Variants in EPM2A observed in about 807,000 individuals in gnomAD.
EPM2A encodes the protein laforin.
In EPM2A, 21 loss-of-function variants were observed where a neutral mutation model predicts 26.5. That is an observed-to-expected ratio of 0.79 (90% CI 0.56 to 1.14). The LOEUF is 1.14. Among genes scored for constraint, EPM2A ranks in the 50% most tolerant of loss-of-function variants. EPM2A has a pLI of 0.00. For synonymous variants in EPM2A, 217 were observed against 177.6 expected, an observed-to-expected ratio of 1.22 and a Z score of -1.76; for missense variants, 458 against 440.8, an observed-to-expected ratio of 1.04 and a Z score of -0.35.
At chr6:145,405,509 G>A (rs1778554922) in intron 4 of EPM2A, among the ~76,000 whole-genome samples, 2 of 152,056 alleles carry the variant, frequency 1.3e-5, no homozygotes, top group Non-Finnish European at 2.9e-5. Context: ...AAATGGCAGA[G>A]GTAATGTTCC....
chr6:145,539,482 C>A (rs373704), intron 2 of EPM2A, among the ~76,000 whole-genome samples: 72,613 of 151,896 alleles, frequency 0.48, 17,335 homozygotes, highest in South Asian at 0.6. Context: ...GCCCTGCCAG[C>A]GATAAGGAGG....
rs76978843 is a variant in EPM2A at position 145,545,345 on chromosome 6, G to A, written c.341-42770C>T. On this transcript the variant is annotated intron_variant, in intron 2 of 3. Transcript: ENST00000450221. ...CTAATGACTTGTGCAGAGTCAAGAA[G>A]CCAAGTCAAATCATACAAGCACAGC... Among the ~76,000 whole-genome samples, 939 of 152,230 alleles carry A rather than the reference G, an allele frequency of 6.2e-3. 2 individuals are homozygous for A. Among genetic ancestry groups the A allele is most frequent in the Non-Finnish European group, 1.0e-2 (680 of 68,014 alleles).
At chr6:145,716,176 A>G (rs557357334) in intron 1 of EPM2A, among the ~76,000 whole-genome samples, 84 of 152,282 alleles carry the variant, frequency 5.5e-4, no homozygotes, top group African/African-American at 2.0e-3. Context: ...AATTTTGCGG[A>G]ATTTTTTTCT....
At chr6:145,569,008 CAT>C (rs1349521824) in intron 2 of EPM2A, among the ~76,000 whole-genome samples, 2 of 152,160 alleles carry the variant, frequency 1.3e-5, no homozygotes, top group Non-Finnish European at 2.9e-5. Context: ...AGGAGGCAGC[CAT>C]AGGCATGGAG....
intron 2 of EPM2A, among the ~76,000 whole-genome samples, chr6:145,672,716 A>G (rs1392608819): frequency 6.6e-6 from 1 of 152,246 alleles, no homozygotes; most frequent in Non-Finnish European, 1.5e-5. Context: ...AAACATCACA[A>G]TAAAAACAGA....
chr6:145,672,843 G>A (rs1779748448), intron 2 of EPM2A, among the ~76,000 whole-genome samples: 1 of 151,728 alleles, frequency 6.6e-6, no homozygotes, highest in Non-Finnish European at 1.5e-5. Flanking sequence ...CCTTGTCTAG[G>A]AAAAAAAAGT....
chr6:145,698,463 T>C (rs998906640), intron 1 of EPM2A, among the ~76,000 whole-genome samples: 3 of 152,076 alleles, frequency 2.0e-5, no homozygotes, highest in Non-Finnish European at 2.9e-5. Flanking sequence ...CCTTGATCAG[T>C]TCCAGCTAAG....
At chr6:145,424,555 C>G (rs1301341180) in intron 4 of EPM2A, among the ~76,000 whole-genome samples, 3 of 152,132 alleles carry the variant, frequency 2.0e-5, no homozygotes, top group Non-Finnish European at 4.4e-5. Context: ...TATGTCTGAT[C>G]TATTAGATAT....
intron 2 of EPM2A, among the ~76,000 whole-genome samples, chr6:145,579,330 G>C (rs1006602941): frequency 1.3e-5 from 2 of 152,024 alleles, no homozygotes; most frequent in Non-Finnish European, 2.9e-5. Context: ...TCAGCTATTT[G>C]GGTATCACTT....
At chr6:145,440,456 C>G (rs1779047542) in intron 4 of EPM2A, among the ~76,000 whole-genome samples, 1 of 152,158 alleles carries the variant, frequency 6.6e-6, no homozygotes, top group Non-Finnish European at 1.5e-5. Context: ...ATCTCATGTT[C>G]TCACATTTCA....
In EPM2A at chr6:145,649,936, A is replaced by G. The variant is rs17725045; in HGVS notation, c.477-14450T>C. ...TCTACCCCATAGTAAGTTAATCATC[A>G]TGGCAAATTTTAAGTTATGAATGGG... On this transcript the variant is annotated intron_variant, in intron 2 of 3. Transcript: ENST00000367519. Among the ~76,000 whole-genome samples, 624 of 152,300 alleles carry G rather than the reference A, an allele frequency of 4.1e-3. 18 individuals carry two copies. In the East Asian group the frequency reaches 0.07, roughly 17 times the overall value.
At chr6:145,474,326 G>C (rs1779514980) in intron 4 of EPM2A, among the ~76,000 whole-genome samples, 1 of 152,032 alleles carries the variant, frequency 6.6e-6, no homozygotes. Flanking sequence ...GCCAGGCATG[G>C]TGGTGGGTGC....
intron 1 of EPM2A, among the ~76,000 whole-genome samples, chr6:145,691,840 G>C (rs543079729): frequency 1.3e-5 from 2 of 151,930 alleles, no homozygotes; most frequent in East Asian, 3.9e-4. Context: ...AGGAGGAAGA[G>C]AAAACAACCA....
At chr6:145,401,174 A>G (rs1301012067) in intron 4 of EPM2A, among the ~76,000 whole-genome samples, 2 of 150,824 alleles carry the variant, frequency 1.3e-5, no homozygotes, top group Non-Finnish European at 1.5e-5. Flanking sequence ...GGGTAGGGGG[A>G]AAAAAACACC....
intron 2 of EPM2A, among the ~76,000 whole-genome samples, chr6:145,610,085 C>T (rs1251938645): frequency 1.3e-5 from 2 of 151,904 alleles, no homozygotes; most frequent in East Asian, 3.9e-4. Flanking sequence ...CCTGGTGGCA[C>T]GCGCCTGTAA....
At chr6:145,581,690 A>C (rs1378391205) in intron 2 of EPM2A, among the ~76,000 whole-genome samples, 1 of 152,148 alleles carries the variant, frequency 6.6e-6, no homozygotes, top group Non-Finnish European at 1.5e-5. Flanking sequence ...AAAGGGGTCC[A>C]GTTTCATTCT....
At chr6:145,602,011 C>A (rs1435897689) in intron 2 of EPM2A, among the ~76,000 whole-genome samples, 2 of 152,114 alleles carry the variant, frequency 1.3e-5, no homozygotes, top group African/African-American at 2.4e-5. Flanking sequence ...TAAATGACTT[C>A]TTGTCATACC....
At chr6:145,409,087 C>T (rs1778608258) in intron 4 of EPM2A, among the ~76,000 whole-genome samples, 1 of 152,124 alleles carries the variant, frequency 6.6e-6, no homozygotes, top group African/African-American at 2.4e-5. Context: ...AGTGCCATAT[C>T]TAATTCTAGT....
intron 4 of EPM2A, among the ~76,000 whole-genome samples, chr6:145,482,170 G>A (rs529104767): frequency 6.6e-6 from 1 of 152,166 alleles, no homozygotes; most frequent in South Asian, 2.1e-4. Flanking sequence ...ATTTGCAAAT[G>A]ATAATTTCAG....
Sources: gnomAD v4.1 joint callset for allele counts (sites outside exome capture counted in the v4.1 genomes callset) on GRCh38, gnomAD v4.1.1 for gene constraint, MANE v1.5 for transcripts, NCBI Gene and HGNC (gene_info 2026-07-23, HGNC 2026-07-21) for gene names.